Variants in CLEC18A observed in about 807,000 individuals in gnomAD.
CLEC18A encodes mannose receptor-like 1.
A neutral mutation model predicts 24.0 loss-of-function variants in CLEC18A; 5 were observed. The ratio of observed to expected loss-of-function variants is 0.21; its 90% CI spans 0.11 to 0.44. The LOEUF is 0.44. Ranked by LOEUF, CLEC18A falls within the 20% of genes least tolerant of loss-of-function variation. The pLI, the probability that CLEC18A is intolerant of heterozygous loss-of-function variation, is 0.99. For synonymous variants in CLEC18A, 29 were observed against 100.1 expected, an observed-to-expected ratio of 0.29 and a Z score of 4.24; for missense variants, 83 against 233.4, an observed-to-expected ratio of 0.36 and a Z score of 4.20.
chr16:69,948,599 G>A (rs1180888767), upstream of CLEC18A, among the ~76,000 whole-genome samples: 1 of 151,596 alleles, frequency 6.6e-6, no homozygotes, highest in African/African-American at 2.4e-5. Flanking sequence ...CTACAATCTG[G>A]GTGGTGGATG....
Position 69,954,588 on chromosome 16 carries a change from G to A in CLEC18A, c.456+15G>A, listed in dbSNP as rs772482947. ...ACTACACGCAGGTGAGTGTGCTGCA[G>A]GTGAGGCCAGTGTGCCAGCTCCCAG... On this transcript the variant is annotated intron_variant, in intron 3 of 11. Coordinates refer to ENST00000288040, the MANE Select transcript of CLEC18A (RefSeq NM_001370523.4). 4 of 1,609,026 alleles carry A rather than the reference G, an allele frequency of 2.5e-6. No homozygotes were observed. Among genetic ancestry groups the A allele is most frequent in the Middle Eastern group, 2.0e-4 (1 of 4,940 alleles).
rs371517431 is a variant in CLEC18A at position 69,954,578 on chromosome 16, G to A, written c.456+5G>A. ...ACCTGCACCCACTACACGCAGGTGA[G>A]TGTGCTGCAGGTGAGGCCAGTGTGC... On this transcript the variant is annotated splice_donor_5th_base_variant and intron_variant, in intron 3 of 11. Transcript: ENST00000288040. The A allele has an allele frequency of 1.2e-6, 2 of 1,609,908 alleles. No individual in the cohort carries two copies. Among genetic ancestry groups the A allele is most frequent in the Admixed American group, 3.3e-5 (2 of 59,822 alleles).
At chr16:69,948,389 TTG>T (rs1279501851), upstream of CLEC18A, among the ~76,000 whole-genome samples, 1 of 145,416 alleles carries the variant, frequency 6.9e-6, no homozygotes, top group Non-Finnish European at 1.5e-5. Context: ...TTTTGTTTGT[TTG>T]TTTGTTTGTT....
At chr16:69,947,241 C>T (rs1262997747), upstream of CLEC18A, among the ~76,000 whole-genome samples, 1 of 93,572 alleles carries the variant, frequency 1.1e-5, no homozygotes, top group Non-Finnish European at 2.0e-5. Flanking sequence ...TCTACAGCCG[C>T]CTTCTCCCTA....
downstream of CLEC18A, among the ~76,000 whole-genome samples, chr16:69,964,917 T>A (rs1380848581): frequency 6.6e-6 from 1 of 152,108 alleles, no homozygotes; most frequent in Non-Finnish European, 1.5e-5. Context: ...TCCTCCTGCC[T>A]CAGCCACCCA....
downstream of CLEC18A, among the ~76,000 whole-genome samples, chr16:69,966,495 C>CA (rs1959396703): frequency 2.1e-5 from 3 of 142,466 alleles, no homozygotes; most frequent in African/African-American, 8.0e-5. Flanking sequence ...GCTACACTCC[C>CA]ACCAGCGCCA....
chr16:69,954,639 A>G lies in CLEC18A; in HGVS notation c.456+66A>G, dbSNP rs1025471653. ...ATACAGACTTCCACTGGGCCATCTC[A>G]GAAGAGGCTACAGTTTGTCCTAAAT... On this transcript the variant is annotated intron_variant, in intron 3 of 11. Coordinates refer to ENST00000288040, the MANE Select transcript of CLEC18A (RefSeq NM_001370523.4). 3.8e-6 allele frequency: 6 copies of G among 1,591,646 alleles called. No individual in the cohort carries two copies. The African/African-American group carries it at 8.1e-5, about 21-fold the overall frequency.
At chr16:69,955,695 G>A (rs1405530228) in intron 3 of CLEC18A, among the ~76,000 whole-genome samples, 1 of 140,040 alleles carries the variant, frequency 7.1e-6, no homozygotes, top group Non-Finnish European at 1.5e-5. Context: ...CCACTACCTA[G>A]GTTTAGAAGA....
At chr16:69,953,676 G>T (rs993819534) in intron 2 of CLEC18A, 1 of 140,376 alleles carries the variant, frequency 7.1e-6, no homozygotes, top group African/African-American at 2.4e-5. Flanking sequence ...TTAGCCAGGC[G>T]TGGTGTCACA....
upstream of CLEC18A, among the ~76,000 whole-genome samples, chr16:69,946,434 G>C (rs2058911375): frequency 1.7e-5 from 2 of 116,478 alleles, no homozygotes; most frequent in African/African-American, 3.2e-5. Context: ...GAGTCACTCT[G>C]TCGCCTAGTC....
intron 3 of CLEC18A, among the ~76,000 whole-genome samples, chr16:69,955,420 G>A (rs916920233): frequency 3.3e-5 from 5 of 149,968 alleles, no homozygotes; most frequent in African/African-American, 1.2e-4. Flanking sequence ...GCTTGATCTC[G>A]GTTCACTAGA....
downstream of CLEC18A, among the ~76,000 whole-genome samples, chr16:69,966,333 G>C (rs1050849093): frequency 1.4e-5 from 2 of 139,528 alleles, no homozygotes; most frequent in African/African-American, 2.5e-5. Flanking sequence ...TGGGTAAAAT[G>C]AGGCTGAGAC....
At chr16:69,966,568 G>A (rs1959398759), downstream of CLEC18A, among the ~76,000 whole-genome samples, 1 of 141,966 alleles carries the variant, frequency 7.0e-6, no homozygotes, top group Non-Finnish European at 1.5e-5. Context: ...AAAATGGGAG[G>A]CATGAATAAT....
intron 2 of CLEC18A, 58 bp from the exon 3 acceptor site, chr16:69,954,276 T>C: frequency 6.3e-7 from 1 of 1,577,802 alleles, no homozygotes; most frequent in South Asian, 1.1e-5. Flanking sequence ...GTTGAATCTT[T>C]GAGGCCTGGC....
At chr16:69,947,290 T>C (rs1264602221), upstream of CLEC18A, among the ~76,000 whole-genome samples, 1 of 129,118 alleles carries the variant, frequency 7.7e-6, no homozygotes, top group Non-Finnish European at 1.6e-5. Flanking sequence ...TCTCTTCTTA[T>C]AACGAGGCCA....
chr16:69,966,300 G>A (rs1959391420), downstream of CLEC18A, among the ~76,000 whole-genome samples: 1 of 149,018 alleles, frequency 6.7e-6, no homozygotes, highest in Non-Finnish European at 1.5e-5. Flanking sequence ...TTGAACCAGA[G>A]CAACTCCATC....
chr16:69,944,693 G>A, the CLEC18A span, among the ~76,000 whole-genome samples: 42 of 148,450 alleles, frequency 2.8e-4, no homozygotes, highest in African/African-American at 9.7e-4. Context: ...AAAGTTAGCC[G>A]GGTGTGGTGG....
intron 3 of CLEC18A, among the ~76,000 whole-genome samples, chr16:69,955,328 T>C (rs1221726755): frequency 6.6e-6 from 1 of 150,632 alleles, no homozygotes; most frequent in African/African-American, 2.5e-5. Context: ...CAATCTGAAA[T>C]ATAAATAATT....
intron 3 of CLEC18A, among the ~76,000 whole-genome samples, chr16:69,954,838 C>T (rs2059012320): frequency 6.6e-6 from 1 of 151,896 alleles, no homozygotes; most frequent in Non-Finnish European, 1.5e-5. Context: ...GCTGGGACTA[C>T]AGGCATGTGC....
Sources: gnomAD v4.1 joint callset for allele counts (sites outside exome capture counted in the v4.1 genomes callset) on GRCh38, gnomAD v4.1.1 for gene constraint, MANE v1.5 for transcripts, NCBI Gene and HGNC (gene_info 2026-07-23, HGNC 2026-07-21) for gene names.